Variants in ILRUN observed in about 807,000 individuals in gnomAD.
ILRUN encodes protein ILRUN.
Under a neutral mutation model 33.8 loss-of-function variants are expected in ILRUN, and 3 were observed. The ratio of observed to expected loss-of-function variants is 0.09; its 90% CI spans 0.04 to 0.23. The LOEUF (loss-of-function observed/expected upper bound fraction) is 0.23. Among genes scored for constraint, ILRUN ranks in the 10% least tolerant of loss-of-function variants. ILRUN has a pLI of 1.00. For missense variants in ILRUN, 210 were observed against 375.1 expected, an observed-to-expected ratio of 0.56 and a Z score of 3.64; for synonymous variants, 124 against 138.9, an observed-to-expected ratio of 0.89 and a Z score of 0.75.
intron 1 of ILRUN, among the ~76,000 whole-genome samples, chr6:34,670,780 C>A (rs764403709): frequency 1.0e-4 from 15 of 145,014 alleles, no homozygotes; most frequent in Non-Finnish European, 1.9e-4. Flanking sequence ...CACTTGAACC[C>A]GGGAGGCAGA....
At chr6:34,627,720 TGAGACAGAGTTTCGCTC>T (rs1762166754) in intron 3 of ILRUN, among the ~76,000 whole-genome samples, 1 of 151,104 alleles carries the variant, frequency 6.6e-6, no homozygotes. Context: ...TTTTTTTTTT[TGAGACAGAGTTTCGCTC>T]TTGTAGCCCA....
intron 1 of ILRUN, among the ~76,000 whole-genome samples, chr6:34,678,710 C>T (rs1763290734): frequency 6.6e-6 from 1 of 150,946 alleles, no homozygotes; most frequent in African/African-American, 2.4e-5. Flanking sequence ...AAAAAATTAG[C>T]CGGGTGTGGT....
intron 4 of ILRUN, chr6:34,595,909 C>T (rs1761390318): frequency 2.0e-6 from 2 of 985,440 alleles, no homozygotes; most frequent in Non-Finnish European, 2.4e-6. Context: ...CTGGTCAGTG[C>T]TTCTTCCGCC....
intron 1 of ILRUN, among the ~76,000 whole-genome samples, chr6:34,691,710 C>A (rs949786940): frequency 9.2e-5 from 14 of 152,010 alleles, no homozygotes; most frequent in African/African-American, 3.4e-4. Flanking sequence ...GCAGGAGAAT[C>A]TCTTGAACCC....
chr6:34,651,685 CAAAT>C (rs1428616110), intron 2 of ILRUN, among the ~76,000 whole-genome samples: 3 of 139,610 alleles, frequency 2.1e-5, no homozygotes, highest in Non-Finnish European at 3.1e-5. Flanking sequence ...TTAAAATAAA[CAAAT>C]AAAACTTGAA....
chr6:34,610,390 A>G (rs1285049696), intron 3 of ILRUN, among the ~76,000 whole-genome samples: 2 of 152,198 alleles, frequency 1.3e-5, no homozygotes, highest in Admixed American at 1.3e-4. Context: ...AGGCAGCCTG[A>G]GGGAGAATCA....
intron 4 of ILRUN, among the ~76,000 whole-genome samples, chr6:34,596,162 T>C (rs1761395582): frequency 6.6e-6 from 1 of 152,216 alleles, no homozygotes; most frequent in Non-Finnish European, 1.5e-5. Flanking sequence ...GGGCACTCTC[T>C]CAGTAATGTG....
At chr6:34,652,017 C>T (rs904353044) in intron 2 of ILRUN, among the ~76,000 whole-genome samples, 5 of 152,068 alleles carry the variant, frequency 3.3e-5, no homozygotes, top group Admixed American at 6.6e-5. Context: ...GTCTTGAACT[C>T]TTGACCTCAA....
intron 3 of ILRUN, among the ~76,000 whole-genome samples, chr6:34,629,708 TA>T (rs1216043264): frequency 6.6e-6 from 1 of 152,208 alleles, no homozygotes; most frequent in Non-Finnish European, 1.5e-5. Context: ...TGTCTGACAT[TA>T]ATTTGGAGAA....
chr6:34,643,597 AC>A, intron 3 of ILRUN, among the ~76,000 whole-genome samples: 1 of 152,274 alleles, frequency 6.6e-6, no homozygotes, highest in South Asian at 2.1e-4. Flanking sequence ...AATTCTTAGG[AC>A]CCTCAGTTCT....
chr6:34,639,785 T>A (rs2127355006), intron 3 of ILRUN, among the ~76,000 whole-genome samples: 1 of 152,282 alleles, frequency 6.6e-6, no homozygotes, highest in East Asian at 1.9e-4. Flanking sequence ...GATAATAAAA[T>A]TACTTTTGTT....
intron 3 of ILRUN, among the ~76,000 whole-genome samples, chr6:34,624,417 G>A (rs1166198250): frequency 3.9e-5 from 6 of 151,958 alleles, no homozygotes; most frequent in Non-Finnish European, 7.4e-5. Context: ...TCCACCTCCC[G>A]GGTTCAAGCA....
intron 1 of ILRUN, among the ~76,000 whole-genome samples, chr6:34,675,383 G>A (rs1159092471): frequency 6.6e-6 from 1 of 152,024 alleles, no homozygotes; most frequent in Non-Finnish European, 1.5e-5. Context: ...AATCATCAGG[G>A]AAATGTACAT....
At chr6:34,650,580 G>A (rs565362561) in intron 2 of ILRUN, among the ~76,000 whole-genome samples, 17 of 151,886 alleles carry the variant, frequency 1.1e-4, no homozygotes, top group African/African-American at 3.6e-4. Context: ...ACAGGCGCCT[G>A]CCACCATGCC....
chr6:34,612,430 A>C (rs1339408458), intron 3 of ILRUN, among the ~76,000 whole-genome samples: 1 of 152,024 alleles, frequency 6.6e-6, no homozygotes, highest in African/African-American at 2.4e-5. Context: ...AATAATAATA[A>C]AAATAAAAAG....
At chr6:34,650,753 C>A (rs745511829) in intron 2 of ILRUN, among the ~76,000 whole-genome samples, 1 of 152,062 alleles carries the variant, frequency 6.6e-6, no homozygotes, top group Non-Finnish European at 1.5e-5. Context: ...CCACGCCTGG[C>A]CAGGAATTTA....
At chr6:34,683,164 T>TTATGTGTATTTGTATA (rs1368004885) in intron 1 of ILRUN, among the ~76,000 whole-genome samples, 1 of 148,818 alleles carries the variant, frequency 6.7e-6, no homozygotes, top group African/African-American at 2.5e-5. Context: ...ACACGTGTGT[T>TTATGTGTATTTGTATA]TATGTGTATT....
chr6:34,653,808 A>G (rs1762716735), intron 2 of ILRUN, among the ~76,000 whole-genome samples: 1 of 152,006 alleles, frequency 6.6e-6, no homozygotes. Flanking sequence ...CTCCATCTCT[A>G]CAATTAAAAA....
At chr6:34,641,659 C>A (rs766515961) in intron 3 of ILRUN, among the ~76,000 whole-genome samples, 1 of 152,058 alleles carries the variant, frequency 6.6e-6, no homozygotes. Flanking sequence ...TTGAAAACTA[C>A]AAAATCAGAT....
Sources: gnomAD v4.1 joint callset for allele counts (sites outside exome capture counted in the v4.1 genomes callset) on GRCh38, gnomAD v4.1.1 for gene constraint, MANE v1.5 for transcripts, NCBI Gene and HGNC (gene_info 2026-07-23, HGNC 2026-07-21) for gene names.